GRM7: variants seen among roughly 807,000 people sequenced by gnomAD.
GRM7 encodes glutamate metabotropic receptor 7.
GRM7 carries 35 observed loss-of-function variants against 84.5 expected under a neutral mutation model. The observed-to-expected ratio is 0.41, with a 90% confidence interval of 0.32 to 0.55. The LOEUF (loss-of-function observed/expected upper bound fraction) is 0.55. Among genes scored for constraint, GRM7 ranks in the 20% least tolerant of loss-of-function variants. The pLI is 0.19. For synonymous variants in GRM7, 487 were observed against 455.1 expected (o/e 1.07, Z -0.89); for missense variants, 1,003 against 1,194.6 (o/e 0.84, Z 2.36).
chr3:7,048,617 T>C lies in GRM7; in HGVS notation c.520-97835T>C, dbSNP rs548906774. Among the ~76,000 whole-genome samples, 90 of 152,118 alleles carry C rather than the reference T, an allele frequency of 5.9e-4. No homozygotes were observed. The Middle Eastern group carries it at 0.014, about 23-fold the overall frequency. On this transcript the variant is annotated intron_variant, in intron 1 of 9. Transcript: ENST00000357716. The stretch of plus-strand genomic sequence containing the variant: ...ATTTATTTTTAATTGACAAGAATTA[T>C]TTATATTGTACAACATAAAGGTTTT...
At chr3:6,902,579 T>C (rs1467451220) in intron 1 of GRM7, among the ~76,000 whole-genome samples, 1 of 152,184 alleles carries the variant, frequency 6.6e-6, no homozygotes, top group African/African-American at 2.4e-5. Context: ...AAATTACTAT[T>C]GTGTCCTGTA....
chr3:7,642,438 T>C (rs1485314321), intron 8 of GRM7, among the ~76,000 whole-genome samples: 1 of 152,070 alleles, frequency 6.6e-6, no homozygotes, highest in African/African-American at 2.4e-5. Context: ...ACAAATGAAA[T>C]ATTGATGGTT....
chr3:7,575,630 T>C (rs1694922305), intron 7 of GRM7, among the ~76,000 whole-genome samples: 1 of 152,238 alleles, frequency 6.6e-6, no homozygotes, highest in African/African-American at 2.4e-5. Context: ...ATTTAAATGT[T>C]AATCAGTACC....
chr3:7,421,916 T>TAAAAAACAAA (rs1696412373), intron 5 of GRM7, among the ~76,000 whole-genome samples: 1 of 78,822 alleles, frequency 1.3e-5, no homozygotes, highest in African/African-American at 4.5e-5. Flanking sequence ...CTACAAACAG[T>TAAAAAACAAA]AAAAAAAAAA....
rs1456446931 is a variant in GRM7 at position 7,486,685 on chromosome 3, C to T, written c.1515+24963C>T. On this transcript the variant is annotated intron_variant, in intron 7 of 9. Coordinates refer to ENST00000357716, the MANE Select transcript of GRM7 (RefSeq NM_000844.4). The surrounding 1 kb of genome is among the most constrained non-coding windows in gnomAD (Gnocchi z 5.5). ...AGATGTTGGCACCATGCTTCTTGGA[C>T]TTCCCAGCCACCAGAATGATGAGAC... Among the ~76,000 whole-genome samples, 1 of 152,158 alleles carries T rather than the reference C, an allele frequency of 6.6e-6. No homozygotes were observed. The highest frequency in any genetic ancestry group is 2.4e-5 in the African/African-American group (1 of 41,430).
intron 1 of GRM7, among the ~76,000 whole-genome samples, chr3:6,989,613 C>G (rs1694556692): frequency 6.6e-6 from 1 of 152,130 alleles, no homozygotes; most frequent in Non-Finnish European, 1.5e-5. Context: ...ACATCTGAAT[C>G]TAGATTGAAA....
chr3:7,137,246 T>C (rs948343573), intron 1 of GRM7, among the ~76,000 whole-genome samples: 2 of 152,138 alleles, frequency 1.3e-5, no homozygotes, highest in African/African-American at 4.8e-5. Flanking sequence ...CTCCTAGAGT[T>C]ACAGGAATTC....
chr3:7,068,482 T>C (rs1180218757), intron 1 of GRM7, among the ~76,000 whole-genome samples: 1 of 152,042 alleles, frequency 6.6e-6, no homozygotes, highest in Non-Finnish European at 1.5e-5. Flanking sequence ...GCAATACCCA[T>C]GTATTTCATG....
Position 7,359,695 on chromosome 3 carries a change from A to AT in GRM7, c.1033+53048dup, listed in dbSNP as rs1693577763. ...GGAACAGACTTTTCTGTTCTCTTTC[A>AT]TTTTTGTGATCCAGTGTTTTAAAGT... On this transcript the variant is annotated intron_variant, in intron 4 of 9. Coordinates refer to ENST00000357716, the MANE Select transcript of GRM7 (RefSeq NM_000844.4). Among the ~76,000 whole-genome samples the AT allele has an allele frequency of 1.4e-5, 2 of 147,870 alleles. 1 individual carries two copies. The highest frequency in any genetic ancestry group is 3.0e-5 in the Non-Finnish European group (2 of 67,322).
At chr3:7,394,259 C>T (rs998262016) in intron 4 of GRM7, among the ~76,000 whole-genome samples, 1 of 152,182 alleles carries the variant, frequency 6.6e-6, no homozygotes, top group Non-Finnish European at 1.5e-5. Flanking sequence ...GCTATAAATC[C>T]ACCTACTCAG....
intron 2 of GRM7, among the ~76,000 whole-genome samples, chr3:7,261,965 T>C (rs555478982): frequency 6.0e-4 from 86 of 142,582 alleles, no homozygotes; most frequent in Non-Finnish European, 1.1e-3. Context: ...TTTTCTTTCT[T>C]CTTTCTTTCG....
At chr3:7,260,077 GC>G (rs1274211312) in intron 2 of GRM7, among the ~76,000 whole-genome samples, 3 of 149,970 alleles carry the variant, frequency 2.0e-5, no homozygotes, top group African/African-American at 7.4e-5. Flanking sequence ...GTGCTTTTTG[GC>G]CACATGTATG....
At chr3:7,503,256 G>A (rs1440128842) in intron 7 of GRM7, among the ~76,000 whole-genome samples, 1 of 152,056 alleles carries the variant, frequency 6.6e-6, no homozygotes, top group African/African-American at 2.4e-5. Context: ...ACCAGATAAT[G>A]TTTCTCCTCT....
intron 4 of GRM7, among the ~76,000 whole-genome samples, chr3:7,410,470 G>A (rs1695877870): frequency 6.6e-6 from 1 of 152,014 alleles, no homozygotes; most frequent in Non-Finnish European, 1.5e-5. Flanking sequence ...CTACCCAGGA[G>A]GCTGAGGTGG....
rs970889419 is a variant in GRM7, at chr3:6,863,340, G to T, written c.519+1433G>T. Among the ~76,000 whole-genome samples the T allele has an allele frequency of 6.6e-6, 1 of 152,108 alleles. No individual in the cohort carries two copies. The highest frequency in any genetic ancestry group is 1.5e-5 in the Non-Finnish European group (1 of 68,026). On this transcript the variant is annotated intron_variant, in intron 1 of 9. Coordinates refer to ENST00000357716, the MANE Select transcript of GRM7 (RefSeq NM_000844.4). This position sits in a 1 kb window ranked among gnomAD's most constrained non-coding sequence, Gnocchi z 4.8. ...CACCTTTATGCTCCTCATATCTAGA[G>T]AACCGGCCCCTCTCAAGTGCTTTCC...
intron 2 of GRM7, among the ~76,000 whole-genome samples, chr3:7,190,623 T>C (rs1342135832): frequency 6.6e-6 from 1 of 152,126 alleles, no homozygotes; most frequent in Non-Finnish European, 1.5e-5. Context: ...GATTTCTGAC[T>C]TGGAACAAGG....
chr3:7,001,356 T>TA (rs983934024), intron 1 of GRM7, among the ~76,000 whole-genome samples: 20 of 151,140 alleles, frequency 1.3e-4, no homozygotes, highest in African/African-American at 3.4e-4. Context: ...TCTCCAAAAC[T>TA]AAAAAAAAAT....
intron 1 of GRM7, among the ~76,000 whole-genome samples, chr3:7,023,441 A>G (rs1695854480): frequency 6.6e-6 from 1 of 152,140 alleles, no homozygotes; most frequent in Admixed American, 6.5e-5. Flanking sequence ...AAAGGCACTC[A>G]GCATGCCCAG....
chr3:7,237,598 C>T (rs767283014), intron 2 of GRM7, among the ~76,000 whole-genome samples: 36 of 152,218 alleles, frequency 2.4e-4, no homozygotes, highest in Middle Eastern at 3.4e-3. Flanking sequence ...TTCGTGGTCT[C>T]GCTGGCTTCA....
Sources: allele counts gnomAD v4.1 joint callset (sites outside exome capture counted in the v4.1 genomes callset), GRCh38; gene constraint gnomAD v4.1.1; non-coding constraint Gnocchi (gnomAD v3.1); transcripts MANE v1.5; gene names NCBI Gene and HGNC (gene_info 2026-07-23, HGNC 2026-07-21).